Variants in PIEZO1 observed in about 807,000 individuals in gnomAD.
PIEZO1 encodes piezo type mechanosensitive ion channel component 1 (Er blood group), also known as piezo-type mechanosensitive ion channel component 1.
In PIEZO1, 296 loss-of-function variants were observed where a neutral mutation model predicts 297.2. That is an observed-to-expected ratio of 1.00 (90% CI 0.91 to 1.10). The LOEUF (loss-of-function observed/expected upper bound fraction) is 1.10. Among genes scored for constraint, PIEZO1 ranks in the 50% least tolerant of loss-of-function variants. PIEZO1 has a pLI of 0.00. For missense variants in PIEZO1, 5,018 were observed against 3,455.5 expected (o/e 1.45, Z -11.34); for synonymous variants, 2,427 against 1,507.5 (o/e 1.61, Z -14.13).
At chr16:88,752,826 G>A (rs1329951857) in intron 1 of PIEZO1, among the ~76,000 whole-genome samples, 1 of 152,118 alleles carries the variant, frequency 6.6e-6, no homozygotes, top group Admixed American at 6.5e-5. Flanking sequence ...CCACGGGCCT[G>A]CCCTGGGGTG....
chr16:88,778,078 G>C (rs919763780), intron 1 of PIEZO1, among the ~76,000 whole-genome samples: 5 of 152,174 alleles, frequency 3.3e-5, no homozygotes, highest in African/African-American at 1.2e-4. Context: ...GAGGCTGGAG[G>C]CTTCTAGACA....
chr16:88,727,330 C>T, intron 23 of PIEZO1, 138 bp from the exon 24 acceptor site: 2 of 1,034,048 alleles, frequency 1.9e-6, no homozygotes, highest in Non-Finnish European at 2.7e-6. Context: ...GGGTGAGTGG[C>T]CGGGTGTCCC....
intron 24 of PIEZO1, 24 bp downstream of exon 24, chr16:88,727,015 C>A (rs975410458): frequency 6.5e-7 from 1 of 1,548,340 alleles, no homozygotes; most frequent in South Asian, 1.2e-5. Flanking sequence ...GAAGGTTCCC[C>A]GTGGAGGGTG....
rs775203157 is a variant in PIEZO1 at position 88,738,009 on chromosome 16, G to A, written c.945C>T (p.Ser315=). 1 of 1,535,538 alleles carries A rather than the reference G, an allele frequency of 6.5e-7. No homozygotes were observed. Among genetic ancestry groups the A allele is most frequent in the East Asian group, 2.4e-5 (1 of 40,916 alleles). The change falls in exon 8 of 51, where the codon AGC becomes AGT. Residue 315 remains serine (S), a synonymous_variant. Transcript: ENST00000301015. The stretch of plus-strand genomic sequence containing the variant: ...AGCACAGCAGCAGGAGGACGCCGGG[G>A]CTGGCATACACAGGCCAGTCCAGGC... The part of the protein sequence containing the change: ...NTGLDWPVYA[S]PGVLLLLCYA...
chr16:88,768,878 A>G (rs992365819), intron 1 of PIEZO1, among the ~76,000 whole-genome samples: 2 of 152,196 alleles, frequency 1.3e-5, no homozygotes, highest in African/African-American at 2.4e-5. Context: ...GCTGCAGACC[A>G]TGGGATCTGG....
rs1473342121 is a variant in PIEZO1 at position 88,736,719 on chromosome 16, G to C, written c.1216C>G (p.Pro406Ala). ...CTGTGGAGCGGAGACGCCTCCCTGGGCTCAGCCCGCTTGGGCCGCACTGCA... is the reference window on the plus strand; with the variant it reads ...CTGTGGAGCGGAGACGCCTCCCTGGCCTCAGCCCGCTTGGGCCGCACTGCA... ...RRPVRPKRAE[P>A]REASPLHSLG... The change falls in exon 11 of 51, where the codon CCC becomes GCC. Residue 406 changes from proline to alanine, a missense_variant. Pro to Ala is a conservative substitution (Grantham distance 27). Transcript: ENST00000301015. The C allele has an allele frequency of 7.2e-6, 11 of 1,531,098 alleles. No individual in the cohort carries two copies. Among genetic ancestry groups the C allele is most frequent in the Non-Finnish European group, 9.6e-6 (11 of 1,144,460 alleles). The allele number at this position is 1,531,098 out of a possible 1,614,324, so 94.8% of individuals were successfully genotyped here. A position where few individuals can be genotyped will look rare whatever the true frequency, so the allele number is the denominator to read the frequency against.
At position 88,727,027 on chromosome 16, in the gene PIEZO1, C is replaced by G. The variant is rs528706226; in HGVS notation, c.3455+12G>C. On this transcript the variant is annotated intron_variant, in intron 24 of 50. Coordinates refer to ENST00000301015, the MANE Select transcript of PIEZO1 (RefSeq NM_001142864.4). The stretch of plus-strand genomic sequence containing the variant: ...CCAGAAGGTTCCCCGTGGAGGGTGA[C>G]GTGGAACCCACCTGCAGTGGATAAA... 2 of 1,548,016 alleles carry G rather than the reference C, an allele frequency of 1.3e-6. No homozygotes were observed. Among genetic ancestry groups the G allele is most frequent in the South Asian group, 1.2e-5 (1 of 83,986 alleles).
At chr16:88,717,828 A>G (rs1408376242) in intron 44 of PIEZO1, 1 of 441,898 alleles carries the variant, frequency 2.3e-6, no homozygotes, top group Admixed American at 2.6e-5. Flanking sequence ...AACAGAAAAA[A>G]CTCTAATAAA....
Position 88,716,550 on chromosome 16 carries a change from A to G in PIEZO1, c.6926+9T>C, listed in dbSNP as rs1408176891. The G allele has an allele frequency of 1.2e-5, 19 of 1,540,334 alleles. No individual in the cohort carries two copies. The highest frequency in any genetic ancestry group is 1.7e-5 in the Non-Finnish European group (19 of 1,140,376). ...CCCACCCAGGCACTGCCCCAAGTCC[A>G]GGACGAACCTCTGGAAGTTCCAGGT... On this transcript the variant is annotated intron_variant, in intron 47 of 50. Transcript: ENST00000301015.
chr16:88,749,018 A>G (rs1013685494), intron 2 of PIEZO1, among the ~76,000 whole-genome samples: 2 of 149,836 alleles, frequency 1.3e-5, no homozygotes, highest in Non-Finnish European at 3.0e-5. Context: ...CGGGCGGATC[A>G]CAAGGTCAGG....
Position 88,719,813 on chromosome 16 carries a change from G to A in PIEZO1, c.6312C>T (p.Phe2104=), listed in dbSNP as rs1156879585. 7.1e-6 allele frequency: 11 copies of A among 1,550,542 alleles called. No individual in the cohort carries two copies. The highest frequency in any genetic ancestry group is 9.6e-6 in the Non-Finnish European group (11 of 1,146,940). Residue 2104 remains phenylalanine, a synonymous_variant, in exon 43 of 51, where the codon TTC becomes TTT. Coordinates refer to ENST00000301015, the MANE Select transcript of PIEZO1 (RefSeq NM_001142864.4). ...LTKKYNHLNL[F]LFQGFRLVPF... ...GGACCTGCACTCACCCCTGGAAGAG[G>A]AAGAGGTTGAGATGATTGTACTTCT...
At chr16:88,755,911 G>A (rs373310044) in intron 1 of PIEZO1, among the ~76,000 whole-genome samples, 1 of 152,160 alleles carries the variant, frequency 6.6e-6, no homozygotes, top group Non-Finnish European at 1.5e-5. Context: ...CCGGGGCCAG[G>A]GGGTGGCAAT....
intron 22 of PIEZO1, among the ~76,000 whole-genome samples, chr16:88,729,888 C>T (rs1279310086): frequency 6.6e-6 from 1 of 152,174 alleles, no homozygotes; most frequent in African/African-American, 2.4e-5. Context: ...ACAGCCCCAT[C>T]TGCCACAGAG....
At chr16:88,764,307 C>T (rs541885792) in intron 1 of PIEZO1, among the ~76,000 whole-genome samples, 2 of 152,198 alleles carry the variant, frequency 1.3e-5, no homozygotes, top group Non-Finnish European at 2.9e-5. Context: ...CCATATAACC[C>T]ATTCTCCAGA....
In PIEZO1 at chr16:88,725,870, C is replaced by T. The variant is rs1597449307; in HGVS notation, c.3969-186G>A. Reference sequence around the variant, plus strand: ...CGTGCTGTCTGCGGCGAGGACAGGCCCTTCTGCCGTACAGATGCAGGGGCG... The same window carrying T: ...CGTGCTGTCTGCGGCGAGGACAGGCTCTTCTGCCGTACAGATGCAGGGGCG... On this transcript the variant is annotated intron_variant, in intron 27 of 50. Transcript: ENST00000301015. The T allele has an allele frequency of 8.3e-6, 5 of 600,896 alleles. No homozygotes were observed. The East Asian group carries it at 1.1e-4, about 14-fold the overall frequency. The allele number at this position is 600,896 out of a possible 1,614,324, so 37.2% of individuals were successfully genotyped here.
chr16:88,720,719 C>T lies in PIEZO1; in HGVS notation c.5698G>A (p.Glu1900Lys), dbSNP rs529376035. ...CCCGTGGGGGCCTCTTTCTCTTCCTCCCCCTCTTCTTCCTCCCTGTCCTCA... is the reference window on the plus strand; with the variant it reads ...CCCGTGGGGGCCTCTTTCTCTTCCTTCCCCTCTTCTTCCTCCCTGTCCTCA... Reference protein sequence around the residue: ...EAEDREEEEGEEEKEAPTGRE... With the variant: ...EAEDREEEEGKEEKEAPTGRE... The change falls in exon 40 of 51, where the codon GAG (glutamate) becomes AAG (lysine). Residue 1900 changes from glutamate (E) to lysine (K), a missense_variant. Glu to Lys is a moderately conservative substitution (Grantham distance 56, BLOSUM62 1). Coordinates refer to ENST00000301015, the MANE Select transcript of PIEZO1 (RefSeq NM_001142864.4). The T allele has an allele frequency of 2.6e-6, 4 of 1,527,054 alleles. No homozygotes were observed. In the South Asian group the frequency reaches 3.7e-5, roughly 14 times the overall value. The allele number at this position is 1,527,054 out of a possible 1,614,324, so 94.6% of individuals were successfully genotyped here. A position where few individuals can be genotyped will look rare whatever the true frequency, so the allele number is the denominator to read the frequency against.
At position 88,715,526 on chromosome 16, in the gene PIEZO1, C is replaced by A. The variant is rs997942023; in HGVS notation, c.*79G>T. 4.3e-6 allele frequency: 6 copies of A among 1,405,270 alleles called. No individual in the cohort carries two copies. The highest frequency in any genetic ancestry group is 2.0e-5 in the Admixed American group (1 of 49,322). 87.1% of individuals were successfully genotyped at this position (1,405,270 alleles called of 1,614,324 possible). On this transcript the variant is annotated 3_prime_UTR_variant, in exon 51 of 51. Transcript: ENST00000301015. ...GCCTTGGACGGGGCAGTGGCTCCCC[C>A]GGCCTGAGGAGTGCCGCCCCTTGTG...
intron 1 of PIEZO1, among the ~76,000 whole-genome samples, chr16:88,754,815 G>A (rs1271238898): frequency 6.6e-6 from 1 of 152,210 alleles, no homozygotes; most frequent in African/African-American, 2.4e-5. Context: ...GGCCCACACG[G>A]GTGGGTGACC....
At chr16:88,739,015 C>T (rs578202223) in intron 5 of PIEZO1, 3 of 527,712 alleles carry the variant, frequency 5.7e-6, no homozygotes, top group Middle Eastern at 5.1e-4. Flanking sequence ...AGCCCAGGCA[C>T]GTGATGACCT....
Sources: allele counts gnomAD v4.1 joint callset (sites outside exome capture counted in the v4.1 genomes callset), GRCh38; gene constraint gnomAD v4.1.1; transcripts MANE v1.5; gene names NCBI Gene and HGNC (gene_info 2026-07-23, HGNC 2026-07-21).